MB21D2: variants seen among roughly 807,000 people sequenced by gnomAD.
MB21D2 encodes the protein nucleotidyltransferase MB21D2.
Under a neutral mutation model 33.3 loss-of-function variants are expected in MB21D2, and 9 were observed. That is an observed-to-expected ratio of 0.27 (90% CI 0.16 to 0.47). The LOEUF is 0.47. MB21D2 is among the 20% of genes least tolerant of loss of function. The probability of loss-of-function intolerance (pLI) is 0.99; values close to 1 mark genes in which losing one functional copy is unlikely to be tolerated. For missense variants in MB21D2, 540 were observed against 624.6 expected, an observed-to-expected ratio of 0.86 and a Z score of 1.44; for synonymous variants, 241 against 236.3, an observed-to-expected ratio of 1.02 and a Z score of -0.18.
At chr3:192,875,093 C>G (rs1355784160) in intron 1 of MB21D2, among the ~76,000 whole-genome samples, 1 of 152,096 alleles carries the variant, frequency 6.6e-6, no homozygotes. Context: ...CCGACTGATA[C>G]AGTGTTTAAC....
intron 1 of MB21D2, among the ~76,000 whole-genome samples, chr3:192,898,825 C>T (rs2886869): frequency 0.51 from 77,431 of 152,068 alleles, 19,880 homozygotes; most frequent in South Asian, 0.53. Context: ...TAGGCTGGCC[C>T]AAAAGGCCTC....
chr3:192,866,902 G>A (rs1000377201), intron 1 of MB21D2, among the ~76,000 whole-genome samples: 1 of 151,968 alleles, frequency 6.6e-6, no homozygotes, highest in African/African-American at 2.4e-5. Context: ...CCTAGAAACT[G>A]ACATCAAGTC....
intron 1 of MB21D2, among the ~76,000 whole-genome samples, chr3:192,914,606 G>A (rs1398051487): frequency 1.3e-5 from 2 of 151,966 alleles, no homozygotes; most frequent in African/African-American, 4.8e-5. Flanking sequence ...GCACAGTCTG[G>A]GCTCTCAAAT....
Position 192,798,312 on chromosome 3 carries a change from G to C in MB21D2, c.*74C>G, listed in dbSNP as rs149045986. On this transcript the variant is annotated 3_prime_UTR_variant, in exon 2 of 2. Coordinates refer to ENST00000392452, the MANE Select transcript of MB21D2 (RefSeq NM_178496.4). This position sits in a 1 kb window ranked among gnomAD's most constrained non-coding sequence, Gnocchi z 4.8. ...ATCTAGGCTGGATATGTAAAAAACA[G>C]AAAGATAGCATCACAAACCACACGA... 6 of 1,505,424 alleles carry C rather than the reference G, an allele frequency of 4.0e-6. No individual in the cohort carries two copies. In the African/African-American group the frequency reaches 7.0e-5, roughly 17 times the overall value. 93.3% of individuals were successfully genotyped at this position (1,505,424 alleles called of 1,614,324 possible).
Position 192,799,403 on chromosome 3 carries a change from A to G in MB21D2, c.459T>C (p.Phe153=). 1.2e-6 allele frequency: 2 copies of G among 1,614,244 alleles called. No individual in the cohort carries two copies. Among genetic ancestry groups the G allele is most frequent in the East Asian group, 2.2e-5 (1 of 44,880 alleles). The change falls in exon 2 of 2, where the codon TTT becomes TTC. Residue 153 remains phenylalanine (F), a synonymous_variant. Transcript: ENST00000392452. The surrounding 1 kb of genome is among the most constrained non-coding windows in gnomAD (Gnocchi z 4.1). ...LCHSWLSLRL[F]DEGTISKWKD... Reference sequence around the variant, plus strand: ...TCCATTTACTGATTGTCCCCTCATCAAAGAGCCGAAGGCTCAGCCAAGAGT... The same window carrying G: ...TCCATTTACTGATTGTCCCCTCATCGAAGAGCCGAAGGCTCAGCCAAGAGT...
At chr3:192,907,131 CAG>C (rs1714231743) in intron 1 of MB21D2, among the ~76,000 whole-genome samples, 1 of 151,550 alleles carries the variant, frequency 6.6e-6, no homozygotes, top group Non-Finnish European at 1.5e-5. Context: ...TTCCTGGAAA[CAG>C]GGCCTCACAG....
chr3:192,889,024 C>G (rs1713793423), intron 1 of MB21D2, among the ~76,000 whole-genome samples: 1 of 152,030 alleles, frequency 6.6e-6, no homozygotes, highest in Admixed American at 6.6e-5. Context: ...TGACAGGGAG[C>G]CAGCCACTGG....
intron 1 of MB21D2, among the ~76,000 whole-genome samples, chr3:192,814,860 A>G (rs976602854): frequency 1.7e-5 from 2 of 118,016 alleles, no homozygotes; most frequent in African/African-American, 2.9e-5. Context: ...GCGAGACTCC[A>G]TCCCAAAAAA....
chr3:192,875,533 C>T (rs1042818417), intron 1 of MB21D2, among the ~76,000 whole-genome samples: 6 of 152,134 alleles, frequency 3.9e-5, no homozygotes, highest in Admixed American at 2.0e-4. Context: ...TCATTAAATT[C>T]GCTATGTTTA....
chr3:192,862,327 CCTCT>C (rs761485502), intron 1 of MB21D2, among the ~76,000 whole-genome samples: 1 of 152,130 alleles, frequency 6.6e-6, no homozygotes, highest in Admixed American at 6.5e-5. Context: ...CTTAAAGCTC[CCTCT>C]CTCCTCTGAA....
intron 1 of MB21D2, among the ~76,000 whole-genome samples, chr3:192,915,522 G>A (rs1714443279): frequency 6.6e-6 from 1 of 152,100 alleles, no homozygotes; most frequent in Admixed American, 6.5e-5. Context: ...GGGGCAAAAG[G>A]CTTAAATGAC....
chr3:192,883,448 T>A (rs1412750705), intron 1 of MB21D2, among the ~76,000 whole-genome samples: 1 of 151,992 alleles, frequency 6.6e-6, no homozygotes, highest in African/African-American at 2.4e-5. Context: ...ATATTTTAGG[T>A]TAAAAATGGT....
intron 1 of MB21D2, among the ~76,000 whole-genome samples, chr3:192,840,425 T>C (rs963307497): frequency 1.4e-4 from 19 of 140,660 alleles, no homozygotes; most frequent in Admixed American, 2.8e-4. Flanking sequence ...CTTTTTTTTT[T>C]TTTTTTTTTT....
chr3:192,832,495 T>C (rs1006514227), intron 1 of MB21D2, among the ~76,000 whole-genome samples: 4 of 152,106 alleles, frequency 2.6e-5, no homozygotes, highest in African/African-American at 9.7e-5. Context: ...AATAAGGATA[T>C]GAAAGAGTAT....
intron 1 of MB21D2, among the ~76,000 whole-genome samples, chr3:192,843,348 C>CT (rs1276141212): frequency 6.6e-6 from 1 of 152,112 alleles, no homozygotes; most frequent in Non-Finnish European, 1.5e-5. Flanking sequence ...CATCAGCTTT[C>CT]TTATGAGGAA....
intron 1 of MB21D2, among the ~76,000 whole-genome samples, chr3:192,843,748 C>T (rs1238981401): frequency 4.6e-5 from 7 of 152,094 alleles, no homozygotes; most frequent in African/African-American, 1.7e-4. Flanking sequence ...TATTTCACTT[C>T]CTGGAGGCCT....
At chr3:192,812,707 T>C (rs1711814963) in intron 1 of MB21D2, among the ~76,000 whole-genome samples, 1 of 152,158 alleles carries the variant, frequency 6.6e-6, no homozygotes, top group Non-Finnish European at 1.5e-5. Context: ...CTCTTGTTCT[T>C]TGAGGATAAT....
rs867865530 is a variant in MB21D2, at chr3:192,885,152, C to G, written c.211+32478G>C. 1.2e-4 allele frequency among the ~76,000 whole-genome samples: 18 copies of G among 152,160 alleles called. 1 individual carries two copies. The highest frequency in any genetic ancestry group is 4.1e-4 in the African/African-American group (17 of 41,456). Reference sequence around the variant, plus strand: ...CAGACTTCAAGCTATCTTCAGATACCGGATGTGACTACATTGTAAGCCCAA... The same window carrying G: ...CAGACTTCAAGCTATCTTCAGATACGGGATGTGACTACATTGTAAGCCCAA... On this transcript the variant is annotated intron_variant, in intron 1 of 1. Transcript: ENST00000392452.
At chr3:192,858,719 G>C (rs1378218077) in intron 1 of MB21D2, among the ~76,000 whole-genome samples, 1 of 152,172 alleles carries the variant, frequency 6.6e-6, no homozygotes, top group Non-Finnish European at 1.5e-5. Flanking sequence ...AGGACACAAG[G>C]TATGTCCCCA....
Sources: allele counts gnomAD v4.1 joint callset (sites outside exome capture counted in the v4.1 genomes callset), GRCh38; gene constraint gnomAD v4.1.1; non-coding constraint Gnocchi (gnomAD v3.1); transcripts MANE v1.5; gene names NCBI Gene and HGNC (gene_info 2026-07-23, HGNC 2026-07-21).